Variants in WNT7B observed in about 807,000 individuals in gnomAD.
WNT7B encodes Wnt family member 7B.
Under a neutral mutation model 38.2 loss-of-function variants are expected in WNT7B, and 19 were observed. The ratio of observed to expected loss-of-function variants is 0.50; its 90% CI spans 0.35 to 0.73. WNT7B has a LOEUF of 0.73. Ranked by LOEUF, WNT7B falls within the 30% of genes least tolerant of loss-of-function variation. The pLI is 0.01. For missense variants in WNT7B, 423 were observed against 507.9 expected (o/e 0.83, Z 1.61); for synonymous variants, 243 against 209.3 (o/e 1.16, Z -1.39).
Position 45,931,262 on chromosome 22 carries a change from C to G in WNT7B, c.406G>C (p.Glu136Gln). 6.3e-7 allele frequency: 1 copy of G among 1,598,916 alleles called. No homozygotes were observed. Among genetic ancestry groups the G allele is most frequent in the Non-Finnish European group, 8.5e-7 (1 of 1,179,788 alleles). Residue 136 changes from glutamate to glutamine, a missense_variant, in exon 3 of 4, where the codon GAG becomes CAG. Physicochemically the swap from Glu to Gln is conservative, Grantham distance 29 (BLOSUM62 2). Around this residue, in one of 3 missense-constraint regions of WNT7B, gnomAD observed 132 missense variants for 113.4 expected, o/e 1.16. Transcript: ENST00000339464. ...GCTTGGTTGTAGTAGCCCTGCTTCT[C>G]GCGGTCGCAGCCGCAGTTGCTCAGG... ...GNLSNCGCDR[E>Q]KQGYYNQAEG... is the part of the protein sequence containing the mutation.
intron 2 of WNT7B, among the ~76,000 whole-genome samples, chr22:45,931,686 CAA>C (rs2146713963): frequency 6.6e-6 from 1 of 152,284 alleles, no homozygotes. Flanking sequence ...TCCCTGTTCC[CAA>C]GACTGGGCAG....
In WNT7B at chr22:45,927,104, G is replaced by A. The variant is rs551129793; in HGVS notation, c.571-3769C>T. ...GGCCTCTGCAGATGGACAATCTCTT[G>A]CCTTCACTGGGTTGGTCTTGGGGGC... On this transcript the variant is annotated intron_variant, in intron 3 of 3. Coordinates refer to ENST00000339464, the MANE Select transcript of WNT7B (RefSeq NM_058238.3). The A allele has an allele frequency of 1.8e-5, 18 of 985,474 alleles. No homozygotes were observed. The Admixed American group carries it at 6.7e-4, about 37-fold the overall frequency. The allele number at this position is 985,474 out of a possible 1,614,324, so 61.0% of individuals were successfully genotyped here. A position where few individuals can be genotyped will look rare whatever the true frequency, so the allele number is the denominator to read the frequency against.
intron 3 of WNT7B, among the ~76,000 whole-genome samples, chr22:45,928,071 C>T (rs556947324): frequency 6.6e-6 from 1 of 152,200 alleles, no homozygotes; most frequent in Non-Finnish European, 1.5e-5. Flanking sequence ...CCAACCAGCA[C>T]CTCGATTTTG....
intron 1 of WNT7B, among the ~76,000 whole-genome samples, chr22:45,959,172 C>A (rs374577000): frequency 1.3e-3 from 203 of 152,286 alleles, no homozygotes; most frequent in Non-Finnish European, 2.0e-3. Context: ...CGACAGAGGC[C>A]CCGCCTGTGC....
chr22:45,929,675 T>TCCACCCAA, intron 3 of WNT7B, among the ~76,000 whole-genome samples: 1 of 84,254 alleles, frequency 1.2e-5, no homozygotes, highest in African/African-American at 5.9e-5. Context: ...CGCCCATCCT[T>TCCACCCAA]CCCTCCATAC....
At position 45,976,695 on chromosome 22, in the gene WNT7B, G is replaced by C; in HGVS notation, c.60C>G (p.Tyr20Ter). ...CACGGGGTACTCACCCGAGCTTCAC[G>C]TACAGGACGCCAAAGCAGAGAAACA... is the stretch of plus-strand genomic sequence containing the variant. ...FYVFLCFGVL[Y>*]VKLGALSSVV... Residue 20 changes from tyrosine (Y) to a stop codon, truncating the protein, a stop_gained, in exon 1 of 4, where the codon TAC becomes TAG. Coordinates refer to ENST00000339464, the MANE Select transcript of WNT7B (RefSeq NM_058238.3). LOFTEE classifies it high-confidence loss of function. This position sits in a 1 kb window ranked among gnomAD's most constrained non-coding sequence, Gnocchi z 8.5. 5 of 1,609,392 alleles carry C rather than the reference G, an allele frequency of 3.1e-6. No individual in the cohort carries two copies. The highest frequency in any genetic ancestry group is 4.2e-6 in the Non-Finnish European group (5 of 1,177,412).
intron 3 of WNT7B, among the ~76,000 whole-genome samples, chr22:45,929,475 T>TCTATCCAC (rs1555907230): frequency 9.8e-5 from 14 of 142,202 alleles, no homozygotes; most frequent in Admixed American, 4.2e-4. Context: ...TACTTATCCT[T>TCTATCCAC]CCATCTGTAC....
rs1449332130 is a variant in WNT7B at position 45,951,838 on chromosome 22, T to C, written c.72-1692A>G. ...TGGACTACTGTGAGTGATGCCGCCATGAACGTGCGGGTAAGGTTTCTGTTT... is the reference window on the plus strand; with the variant it reads ...TGGACTACTGTGAGTGATGCCGCCACGAACGTGCGGGTAAGGTTTCTGTTT... On this transcript the variant is annotated intron_variant, in intron 1 of 3. Coordinates refer to ENST00000339464, the MANE Select transcript of WNT7B (RefSeq NM_058238.3). The surrounding 1 kb of genome is among the most constrained non-coding windows in gnomAD (Gnocchi z 4.8). Among the ~76,000 whole-genome samples, 2 of 152,228 alleles carry C rather than the reference T, an allele frequency of 1.3e-5. No homozygotes were observed. The highest frequency in any genetic ancestry group is 6.5e-5 in the Admixed American group (1 of 15,288).
chr22:45,966,600 C>T lies in WNT7B; in HGVS notation c.71+10084G>A, dbSNP rs2146750364. ...GCTCGTCGGGTGCGGTGGCTTCCTC[C>T]CAGGCCCAGCTCCAGGCACCTGCAG... is the stretch of plus-strand genomic sequence containing the variant. On this transcript the variant is annotated intron_variant, in intron 1 of 3. Transcript: ENST00000339464. The surrounding 1 kb of genome is among the most constrained non-coding windows in gnomAD (Gnocchi z 4.2). Among the ~76,000 whole-genome samples, 1 of 152,316 alleles carries T rather than the reference C, an allele frequency of 6.6e-6. No homozygotes were observed. The highest frequency in any genetic ancestry group is 1.5e-5 in the Non-Finnish European group (1 of 68,024).
At position 45,972,573 on chromosome 22, in the gene WNT7B, C is replaced by G. The variant is rs368547068; in HGVS notation, c.71+4111G>C. On this transcript the variant is annotated intron_variant, in intron 1 of 3. Coordinates refer to ENST00000339464, the MANE Select transcript of WNT7B (RefSeq NM_058238.3). The stretch of plus-strand genomic sequence containing the variant: ...CGCTCTGGCTCACTTCTCCAAGTCT[C>G]CCGAGGCGCGCAGCTGCCATTGGAC... The G allele has an allele frequency of 3.2e-5, 5 of 156,590 alleles. No homozygotes were observed. In the Admixed American group the frequency reaches 3.2e-4, roughly 10 times the overall value. The allele number at this position is 156,590 out of a possible 1,614,324, so 9.7% of individuals were successfully genotyped here. A position where few individuals can be genotyped will look rare whatever the true frequency, so the allele number is the denominator to read the frequency against.
At position 45,975,403 on chromosome 22, in the gene WNT7B, A is replaced by G. The variant is rs1601746280; in HGVS notation, c.71+1281T>C. ...ACACCCAGGGACACAGCCTACCCAC[A>G]GACCTATGATAAACGGGGCTACCGG... On this transcript the variant is annotated intron_variant, in intron 1 of 3. Coordinates refer to ENST00000339464, the MANE Select transcript of WNT7B (RefSeq NM_058238.3). This position sits in a 1 kb window ranked among gnomAD's most constrained non-coding sequence, Gnocchi z 6.6. 5.0e-6 allele frequency: 3 copies of G among 597,628 alleles called. No homozygotes were observed. Among genetic ancestry groups the G allele is most frequent in the Non-Finnish European group, 9.3e-6 (3 of 322,528 alleles). 37.0% of individuals were successfully genotyped at this position (597,628 alleles called of 1,614,324 possible).
chr22:45,963,688 C>T (rs953865772), intron 1 of WNT7B, among the ~76,000 whole-genome samples: 4 of 152,178 alleles, frequency 2.6e-5, no homozygotes, highest in African/African-American at 9.7e-5. Flanking sequence ...CCCGTCTTCC[C>T]TGCCACAGGA....
At chr22:45,928,546 T>G (rs959261593) in intron 3 of WNT7B, among the ~76,000 whole-genome samples, 1 of 151,942 alleles carries the variant, frequency 6.6e-6, no homozygotes, top group Non-Finnish European at 1.5e-5. Flanking sequence ...ACTGGCGGCA[T>G]CATCAGAGCC....
intron 2 of WNT7B, among the ~76,000 whole-genome samples, chr22:45,933,866 G>C (rs1196007981): frequency 1.3e-5 from 2 of 152,180 alleles, no homozygotes; most frequent in African/African-American, 4.8e-5. Flanking sequence ...CCACAGAGGA[G>C]GGGGAGAATG....
intron 1 of WNT7B, among the ~76,000 whole-genome samples, chr22:45,952,925 G>A (rs527423427): frequency 1.6e-4 from 25 of 152,300 alleles, no homozygotes; most frequent in Non-Finnish European, 2.5e-4. Context: ...GGAAGACCCC[G>A]CCTCCCAGCT....
chr22:45,974,036 A>G (rs751412821), intron 1 of WNT7B, among the ~76,000 whole-genome samples: 10 of 152,154 alleles, frequency 6.6e-5, no homozygotes, highest in Non-Finnish European at 1.3e-4. Flanking sequence ...GGAATACACC[A>G]TCTGGAGGAG....
At chr22:45,957,502 G>T (rs756254513) in intron 1 of WNT7B, among the ~76,000 whole-genome samples, 5 of 151,670 alleles carry the variant, frequency 3.3e-5, no homozygotes, top group Non-Finnish European at 5.9e-5. Flanking sequence ...TAGCCAACAT[G>T]GTGAAACTGT....
At chr22:45,932,417 C>CCG (rs149338236) in intron 2 of WNT7B, among the ~76,000 whole-genome samples, 63 of 95,428 alleles carry the variant, frequency 6.6e-4, no homozygotes, top group African/African-American at 3.2e-3. Context: ...CCTTCCCAGA[C>CCG]CCCCCCCGCC....
chr22:45,972,896 G>T (rs912151891), intron 1 of WNT7B, among the ~76,000 whole-genome samples: 1 of 152,254 alleles, frequency 6.6e-6, no homozygotes, highest in Non-Finnish European at 1.5e-5. Flanking sequence ...GCGGGAGCGT[G>T]GGCAGTCTGT....
Sources: gnomAD v4.1 joint callset for allele counts (sites outside exome capture counted in the v4.1 genomes callset) on GRCh38, gnomAD v4.1.1 for gene constraint, gnomAD v4.1.1 regional missense constraint, Gnocchi (gnomAD v3.1) non-coding constraint, MANE v1.5 for transcripts, NCBI Gene and HGNC (gene_info 2026-07-23, HGNC 2026-07-21) for gene names.